The following TMEM132B variants were observed in gnomAD, a reference collection of about 807,000 sequenced individuals.
The protein encoded by TMEM132B is transmembrane protein 132B.
Under a neutral mutation model 90.8 loss-of-function variants are expected in TMEM132B, and 18 were observed. The ratio of observed to expected loss-of-function variants is 0.20; its 90% CI spans 0.14 to 0.29. The LOEUF is 0.29. TMEM132B is among the 10% of genes least tolerant of loss of function. TMEM132B has a pLI of 1.00. For synonymous variants in TMEM132B, 504 were observed against 523.3 expected (o/e 0.96, Z 0.50); for missense variants, 1,096 against 1,326.8 (o/e 0.83, Z 2.70).
rs570559456 is a variant in TMEM132B, at chr12:125,599,481, A to G, written c.1437+15487A>G. 7.2e-5 allele frequency among the ~76,000 whole-genome samples: 11 copies of G among 152,242 alleles called. No homozygotes were observed. In the South Asian group the frequency reaches 2.3e-3, roughly 32 times the overall value. ...AAGGGCCCTAGCCAGCTTAACATAA[A>G]TCTGACTCTTACGCTCTCTGTGTGG... On this transcript the variant is annotated intron_variant, in intron 5 of 8. Transcript: ENST00000682704.
At chr12:125,421,938 A>G (rs1880180646) in intron 3 of TMEM132B, among the ~76,000 whole-genome samples, 2 of 152,244 alleles carry the variant, frequency 1.3e-5, no homozygotes, top group African/African-American at 2.4e-5. Flanking sequence ...CTCTATTTCA[A>G]CAAAGTAGAA....
intron 4 of TMEM132B, among the ~76,000 whole-genome samples, chr12:125,562,599 T>C (rs569708223): frequency 5.3e-5 from 8 of 152,336 alleles, no homozygotes; most frequent in African/African-American, 1.7e-4. Flanking sequence ...TGATATGGTT[T>C]GGCTGTGTCC....
chr12:125,330,592 G>T (rs964466998), intron 1 of TMEM132B, among the ~76,000 whole-genome samples: 1 of 152,152 alleles, frequency 6.6e-6, no homozygotes, highest in South Asian at 2.1e-4. Flanking sequence ...AAATGGCAAA[G>T]ATTTTTTAAA....
intron 1 of TMEM132B, among the ~76,000 whole-genome samples, chr12:125,334,164 TTATC>T: frequency 6.6e-6 from 1 of 152,210 alleles, no homozygotes; most frequent in East Asian, 1.9e-4. Flanking sequence ...ATTTTACCAT[TTATC>T]TTTTTATTAT....
intron 3 of TMEM132B, among the ~76,000 whole-genome samples, chr12:125,466,466 G>C (rs753226782): frequency 2.0e-5 from 3 of 152,208 alleles, no homozygotes; most frequent in Non-Finnish European, 2.9e-5. Context: ...TTGAGTGATG[G>C]ATTTCTATGT....
chr12:125,612,698 A>C (rs1271983766), intron 5 of TMEM132B, among the ~76,000 whole-genome samples: 2 of 143,612 alleles, frequency 1.4e-5, no homozygotes, highest in East Asian at 2.0e-4. Flanking sequence ...TCTTATGTTT[A>C]TGTAGCCACT....
intron 1 of TMEM132B, among the ~76,000 whole-genome samples, chr12:125,315,175 C>T (rs1406121180): frequency 1.3e-5 from 2 of 152,234 alleles, no homozygotes; most frequent in African/African-American, 4.8e-5. Context: ...TGTGCCTACG[C>T]GAAGGCGCAT....
chr12:125,189,373 T>C (rs1333348958), intron 1 of TMEM132B, among the ~76,000 whole-genome samples: 1 of 152,134 alleles, frequency 6.6e-6, no homozygotes, highest in Non-Finnish European at 1.5e-5. Flanking sequence ...CTAGGGTCTA[T>C]GAAATCAGGG....
intron 1 of TMEM132B, among the ~76,000 whole-genome samples, chr12:125,312,582 G>A (rs1483351159): frequency 6.6e-6 from 1 of 152,238 alleles, no homozygotes; most frequent in Non-Finnish European, 1.5e-5. Flanking sequence ...CACCATCTCT[G>A]AGGAAGTTGG....
At chr12:125,315,317 G>T (rs1289250523) in intron 1 of TMEM132B, among the ~76,000 whole-genome samples, 1 of 152,244 alleles carries the variant, frequency 6.6e-6, no homozygotes, top group African/African-American at 2.4e-5. Flanking sequence ...TCCTGCCTCA[G>T]CCTCCCAAGT....
At position 125,250,179 on chromosome 12, in the gene TMEM132B, C is replaced by T. The variant is rs1053253977; in HGVS notation, c.67+63313C>T. Reference sequence around the variant, plus strand: ...AAAAAGGCCCACATTGTGGGGGGATCTGGGCGGCACACCCCAGTGCCCAGC... The same window carrying T: ...AAAAAGGCCCACATTGTGGGGGGATTTGGGCGGCACACCCCAGTGCCCAGC... On this transcript the variant is annotated intron_variant, in intron 1 of 8. Coordinates refer to ENST00000682704, the MANE Select transcript of TMEM132B (RefSeq NM_001366854.1). Among the ~76,000 whole-genome samples the T allele has an allele frequency of 3.9e-5, 6 of 152,246 alleles. No individual in the cohort carries two copies. In the East Asian group the frequency reaches 1.2e-3, roughly 29 times the overall value.
intron 1 of TMEM132B, among the ~76,000 whole-genome samples, chr12:125,266,328 T>TA (rs1170979691): frequency 6.6e-6 from 1 of 152,246 alleles, no homozygotes; most frequent in Non-Finnish European, 1.5e-5. Flanking sequence ...TCTGGCCCTT[T>TA]ATGGAAAACA....
chr12:125,222,636 C>G (rs951997788), intron 1 of TMEM132B, among the ~76,000 whole-genome samples: 2 of 152,234 alleles, frequency 1.3e-5, no homozygotes, highest in Non-Finnish European at 2.9e-5. Flanking sequence ...TTACTTCCCA[C>G]TCAACATCCC....
rs1443271447 is a variant in TMEM132B at position 125,213,745 on chromosome 12, G to A, written c.67+26879G>A. Among the ~76,000 whole-genome samples the A allele has an allele frequency of 6.6e-6, 1 of 152,214 alleles. No homozygotes were observed. Among genetic ancestry groups the A allele is most frequent in the Non-Finnish European group, 1.5e-5 (1 of 68,034 alleles). ...TTGCTCTAGATAGAGTGTGATCTCT[G>A]TAAGTATAGATCATGACTACCTTGC... On this transcript the variant is annotated intron_variant, in intron 1 of 8. Coordinates refer to ENST00000682704, the MANE Select transcript of TMEM132B (RefSeq NM_001366854.1). The surrounding 1 kb of genome is among the most constrained non-coding windows in gnomAD (Gnocchi z 4.2).
chr12:125,533,650 C>A (rs10744212), intron 4 of TMEM132B, among the ~76,000 whole-genome samples: 4 of 151,774 alleles, frequency 2.6e-5, no homozygotes, highest in African/African-American at 9.7e-5. Context: ...CGCAGACCGG[C>A]TTGTACAGGC....
At chr12:125,304,788 G>A (rs979746763) in intron 1 of TMEM132B, among the ~76,000 whole-genome samples, 4 of 152,030 alleles carry the variant, frequency 2.6e-5, no homozygotes, top group African/African-American at 4.8e-5. Flanking sequence ...CCATGTCTGC[G>A]CCTGTGAATA....
At chr12:125,354,400 A>G (rs1409362596) in intron 2 of TMEM132B, among the ~76,000 whole-genome samples, 3 of 152,232 alleles carry the variant, frequency 2.0e-5, no homozygotes, top group African/African-American at 7.2e-5. Context: ...TTAGCAAATT[A>G]GAACTAGCTG....
intron 2 of TMEM132B, among the ~76,000 whole-genome samples, chr12:125,394,843 A>C (rs1437533309): frequency 1.3e-5 from 2 of 152,206 alleles, no homozygotes; most frequent in African/African-American, 4.8e-5. Context: ...ACAGTGGGTC[A>C]CATGGATGTA....
At chr12:125,236,713 ACCACT>A (rs1873944446) in intron 1 of TMEM132B, among the ~76,000 whole-genome samples, 1 of 152,200 alleles carries the variant, frequency 6.6e-6, no homozygotes, top group South Asian at 2.1e-4. Context: ...TGTATCCTGC[ACCACT>A]TCAAGCTGTC....
Sources: gnomAD v4.1 joint callset for allele counts (sites outside exome capture counted in the v4.1 genomes callset) on GRCh38, gnomAD v4.1.1 for gene constraint, Gnocchi (gnomAD v3.1) non-coding constraint, MANE v1.5 for transcripts, NCBI Gene and HGNC (gene_info 2026-07-23, HGNC 2026-07-21) for gene names.